The following PCDH7 variants were observed in gnomAD, a reference collection of about 807,000 sequenced individuals.
The protein encoded by PCDH7 is protocadherin-7.
A neutral mutation model predicts 58.9 loss-of-function variants in PCDH7; 17 were observed. The ratio of observed to expected loss-of-function variants is 0.29; its 90% CI spans 0.20 to 0.43. The LOEUF is 0.43. Ranked by LOEUF, PCDH7 falls within the 20% of genes least tolerant of loss-of-function variation. The probability of loss-of-function intolerance (pLI) is 1.00; values close to 1 mark genes in which losing one functional copy is unlikely to be tolerated. For synonymous variants in PCDH7, 664 were observed against 616.4 expected, an observed-to-expected ratio of 1.08 and a Z score of -1.14; for missense variants, 1,274 against 1,441.0, an observed-to-expected ratio of 0.88 and a Z score of 1.88.
chr4:30,818,851 G>A (rs1222717160), intron 1 of PCDH7, among the ~76,000 whole-genome samples: 1 of 151,628 alleles, frequency 6.6e-6, no homozygotes, highest in Non-Finnish European at 1.5e-5. Flanking sequence ...TACTGGCAGG[G>A]AAGATTACAA....
intron 1 of PCDH7, among the ~76,000 whole-genome samples, chr4:30,796,365 T>C (rs1724772032): frequency 6.6e-6 from 1 of 152,208 alleles, no homozygotes; most frequent in Non-Finnish European, 1.5e-5. Flanking sequence ...ATGACTGTTA[T>C]TAGCAGTCAT....
intron 3 of PCDH7, among the ~76,000 whole-genome samples, chr4:31,009,136 A>C (rs1196498810): frequency 6.6e-6 from 1 of 152,130 alleles, no homozygotes; most frequent in East Asian, 1.9e-4. Flanking sequence ...TTAAAATGTA[A>C]AATAATATTA....
intron 1 of PCDH7, among the ~76,000 whole-genome samples, chr4:30,867,066 A>T (rs898932361): frequency 6.6e-6 from 1 of 152,004 alleles, no homozygotes; most frequent in Non-Finnish European, 1.5e-5. Flanking sequence ...TACCATCTAG[A>T]TGGAATTAGA....
At chr4:31,105,361 G>T (rs1003012022) in intron 3 of PCDH7, among the ~76,000 whole-genome samples, 1 of 152,006 alleles carries the variant, frequency 6.6e-6, no homozygotes, top group Non-Finnish European at 1.5e-5. Context: ...CAAAAATCAA[G>T]GTTTTTTGAT....
chr4:30,775,903 A>C (rs1053989001), intron 1 of PCDH7, among the ~76,000 whole-genome samples: 6 of 152,174 alleles, frequency 3.9e-5, no homozygotes, highest in African/African-American at 1.2e-4. Context: ...TTGCAAAAAA[A>C]AAAGATATGA....
intron 1 of PCDH7, among the ~76,000 whole-genome samples, chr4:30,852,704 T>A (rs1222655383): frequency 6.6e-6 from 1 of 151,786 alleles, no homozygotes; most frequent in East Asian, 1.9e-4. Context: ...CAAATTTCAA[T>A]ACTTTCCTGA....
intron 3 of PCDH7, among the ~76,000 whole-genome samples, chr4:31,039,211 T>C (rs1400248026): frequency 1.3e-5 from 2 of 152,220 alleles, no homozygotes; most frequent in Non-Finnish European, 2.9e-5. Context: ...TTCACTGCAC[T>C]TTTGTGACAG....
chr4:30,811,845 C>A (rs1727065077), intron 1 of PCDH7, among the ~76,000 whole-genome samples: 1 of 152,074 alleles, frequency 6.6e-6, no homozygotes, highest in Middle Eastern at 3.2e-3. Context: ...GGAGAAGATT[C>A]AGATCACTGG....
chr4:31,072,768 ATTCATTGAG>A (rs1474533970), intron 3 of PCDH7, among the ~76,000 whole-genome samples: 2 of 152,184 alleles, frequency 1.3e-5, no homozygotes, highest in Non-Finnish European at 2.9e-5. Flanking sequence ...TAATTCACTC[ATTCATTGAG>A]TTCATGGAGT....
At chr4:30,759,608 A>T (rs1719769272) in intron 1 of PCDH7, among the ~76,000 whole-genome samples, 1 of 152,158 alleles carries the variant, frequency 6.6e-6, no homozygotes, top group Non-Finnish European at 1.5e-5. Context: ...AAAAGAAAAA[A>T]ATCTGTTTAG....
intron 3 of PCDH7, among the ~76,000 whole-genome samples, chr4:31,127,361 C>A (rs1311278808): frequency 2.0e-5 from 3 of 152,122 alleles, no homozygotes; most frequent in Non-Finnish European, 2.9e-5. Flanking sequence ...AAAGAAGAAG[C>A]CTAAATGTAT....
At chr4:30,890,162 T>G (rs1434050550) in intron 1 of PCDH7, among the ~76,000 whole-genome samples, 2 of 152,120 alleles carry the variant, frequency 1.3e-5, no homozygotes, top group African/African-American at 4.8e-5. Context: ...AAATATAAAC[T>G]GTAGAGTAAA....
In PCDH7 at chr4:30,817,816, G is replaced by T. The variant is rs74435316; in HGVS notation, c.70+93220G>T. ...ATTGGTCTCCCTGCTTCCAACCCTG[G>T]CCCCTACAGCACTCTATTTTTAAAA... On this transcript the variant is annotated intron_variant, in intron 1 of 3. Coordinates refer to the PCDH7 transcript ENST00000509759. 2.8e-3 allele frequency among the ~76,000 whole-genome samples: 422 copies of T among 152,090 alleles called. 2 individuals are homozygous for T. Among genetic ancestry groups the T allele is most frequent in the South Asian group, 0.013 (62 of 4,820 alleles).
intron 3 of PCDH7, among the ~76,000 whole-genome samples, chr4:31,099,931 A>G (rs1422252727): frequency 1.3e-5 from 2 of 151,172 alleles, no homozygotes; most frequent in Non-Finnish European, 3.0e-5. Context: ...AAAGCATTTA[A>G]CTTTGTGCCT....
chr4:30,802,148 G>A (rs921455328), intron 1 of PCDH7, among the ~76,000 whole-genome samples: 1 of 152,142 alleles, frequency 6.6e-6, no homozygotes, highest in Non-Finnish European at 1.5e-5. Context: ...GGGTAATTAA[G>A]TAACTTGCTC....
intron 1 of PCDH7, among the ~76,000 whole-genome samples, chr4:30,789,308 A>C (rs1723811213): frequency 6.6e-6 from 1 of 152,180 alleles, no homozygotes; most frequent in Admixed American, 6.6e-5. Context: ...CAGCACATGA[A>C]GGTCTCCTTG....
At chr4:30,763,772 C>A (rs1720344773) in intron 1 of PCDH7, among the ~76,000 whole-genome samples, 1 of 152,166 alleles carries the variant, frequency 6.6e-6, no homozygotes, top group Admixed American at 6.5e-5. Flanking sequence ...ACATCCTAGT[C>A]GTTTGTGTAT....
intron 1 of PCDH7, among the ~76,000 whole-genome samples, chr4:30,728,963 A>G (rs58200645): frequency 0.14 from 21,558 of 151,626 alleles, 1,762 homozygotes; most frequent in East Asian, 0.31. Context: ...AAAAATATCT[A>G]AGCTTAAACA....
At chr4:30,939,354 T>C (rs1374823034) in intron 2 of PCDH7, among the ~76,000 whole-genome samples, 6 of 152,152 alleles carry the variant, frequency 3.9e-5, no homozygotes, top group African/African-American at 1.2e-4. Context: ...TTGGCTTCTG[T>C]ATTGCTTGCT....
Sources: gnomAD v4.1 joint callset for allele counts (sites outside exome capture counted in the v4.1 genomes callset) on GRCh38, gnomAD v4.1.1 for gene constraint, MANE v1.5 for transcripts, NCBI Gene and HGNC (gene_info 2026-07-23, HGNC 2026-07-21) for gene names.